The following BMPR1A variants were observed in gnomAD, a reference collection of about 807,000 sequenced individuals.
BMPR1A encodes bone morphogenetic protein receptor type-1A.
Under a neutral mutation model 66.0 loss-of-function variants are expected in BMPR1A, and 7 were observed. The ratio of observed to expected loss-of-function variants is 0.11; its 90% CI spans 0.06 to 0.20. The LOEUF (loss-of-function observed/expected upper bound fraction) is 0.20. BMPR1A is among the 10% of genes least tolerant of loss of function. The pLI, the probability that BMPR1A is intolerant of heterozygous loss-of-function variation, is 1.00. For synonymous variants in BMPR1A, 200 were observed against 229.7 expected (o/e 0.87, Z 1.17); for missense variants, 408 against 669.1 (o/e 0.61, Z 4.31).
rs1843706360 is a variant in BMPR1A, at chr10:86,923,929, G to A, written c.*210G>A. On this transcript the variant is annotated 3_prime_UTR_variant, in exon 13 of 13. Coordinates refer to ENST00000372037, the MANE Select transcript of BMPR1A (RefSeq NM_004329.3). ...ACACTTCATTCTTTATATATGGACA[G>A]CTTTATTTTAAATGTGGTTTTTGAT... The A allele has an allele frequency of 5.0e-6, 3 of 603,618 alleles. No individual in the cohort carries two copies. Among genetic ancestry groups the A allele is most frequent in the African/African-American group, 3.7e-5 (2 of 53,888 alleles). 37.4% of individuals were successfully genotyped at this position (603,618 alleles called of 1,614,324 possible).
At chr10:86,907,449 A>G (rs1843413017) in intron 7 of BMPR1A, among the ~76,000 whole-genome samples, 2 of 152,232 alleles carry the variant, frequency 1.3e-5, no homozygotes, top group Non-Finnish European at 1.5e-5. Flanking sequence ...TAAAATCAGA[A>G]CTACCATATG....
At chr10:86,873,462 T>C (rs1273651054) in intron 2 of BMPR1A, among the ~76,000 whole-genome samples, 2 of 148,338 alleles carry the variant, frequency 1.3e-5, no homozygotes, top group Non-Finnish European at 3.0e-5. Context: ...AAGATGTTGT[T>C]GGTGAATAAG....
intron 1 of BMPR1A, among the ~76,000 whole-genome samples, chr10:86,780,342 G>A (rs894943556): frequency 1.3e-5 from 2 of 152,016 alleles, no homozygotes; most frequent in Admixed American, 6.6e-5. Context: ...TGCTTTTGAT[G>A]CCTGTGTTTT....
At chr10:86,842,021 C>T (rs763977310) in intron 2 of BMPR1A, among the ~76,000 whole-genome samples, 2 of 152,224 alleles carry the variant, frequency 1.3e-5, no homozygotes, top group South Asian at 2.1e-4. Context: ...TTCTGTCAGC[C>T]GCTCTAAGCA....
At chr10:86,797,120 A>T (rs1222909920) in intron 1 of BMPR1A, among the ~76,000 whole-genome samples, 5 of 136,438 alleles carry the variant, frequency 3.7e-5, no homozygotes, top group Admixed American at 2.4e-4. Context: ...GCTGGAGTGC[A>T]GTGGCGCGAT....
intron 1 of BMPR1A, among the ~76,000 whole-genome samples, chr10:86,770,968 C>A (rs1841249347): frequency 6.6e-6 from 1 of 152,196 alleles, no homozygotes; most frequent in Non-Finnish European, 1.5e-5. Context: ...CCTTTGGACA[C>A]CAAATCCCAT....
rs1328297508 is a variant in BMPR1A, at chr10:86,906,752, A to AC, written c.531-5488_531-5487insC. ...AAAAAAAAAAAAAAAAAAAAAAAAA[A>AC]AAAAAAAAAACACTTTGTCCTTTTA... On this transcript the variant is annotated intron_variant, in intron 7 of 12. Transcript: ENST00000372037. 1.1e-3 allele frequency among the ~76,000 whole-genome samples: 37 copies of AC among 34,696 alleles called. 7 individuals carry two copies. Among genetic ancestry groups the AC allele is most frequent in the African/African-American group, 2.2e-3 (5 of 2,306 alleles). 22.8% of individuals were successfully genotyped at this position (34,696 alleles called of 152,430 possible). A position where few individuals can be genotyped will look rare whatever the true frequency, so the allele number is the denominator to read the frequency against.
At chr10:86,871,508 A>G (rs1842855455) in intron 2 of BMPR1A, among the ~76,000 whole-genome samples, 1 of 152,198 alleles carries the variant, frequency 6.6e-6, no homozygotes, top group African/African-American at 2.4e-5. Context: ...TGGAAGGGAT[A>G]ACGTAGATTA....
intron 1 of BMPR1A, among the ~76,000 whole-genome samples, chr10:86,797,743 T>G (rs1841744143): frequency 6.6e-6 from 1 of 152,138 alleles, no homozygotes; most frequent in Admixed American, 6.5e-5. Context: ...TACTTCTGTG[T>G]GTTCAAATAT....
chr10:86,795,129 G>A (rs1037326616), intron 1 of BMPR1A, among the ~76,000 whole-genome samples: 1 of 151,790 alleles, frequency 6.6e-6, no homozygotes, highest in African/African-American at 2.4e-5. Flanking sequence ...GGGATTATAG[G>A]GGTGAGCCAC....
intron 1 of BMPR1A, among the ~76,000 whole-genome samples, chr10:86,793,047 A>G (rs1218504884): frequency 1.3e-5 from 2 of 151,728 alleles, no homozygotes; most frequent in African/African-American, 4.8e-5. Flanking sequence ...GCCTTAATGC[A>G]GTCTTCTCTA....
chr10:86,896,325 A>G (rs893932462), intron 5 of BMPR1A, among the ~76,000 whole-genome samples: 1 of 151,926 alleles, frequency 6.6e-6, no homozygotes, highest in African/African-American at 2.4e-5. Flanking sequence ...TTCCAATAAC[A>G]TTTTCTTAAG....
intron 7 of BMPR1A, among the ~76,000 whole-genome samples, chr10:86,908,845 G>A (rs1298575889): frequency 1.3e-5 from 2 of 152,182 alleles, no homozygotes; most frequent in African/African-American, 2.4e-5. Flanking sequence ...TGGTCCTCCT[G>A]TAGGATCCTA....
Position 86,795,111 on chromosome 10 carries a change from A to G in BMPR1A, c.-268+38192A>G, listed in dbSNP as rs559963079. The stretch of plus-strand genomic sequence containing the variant: ...GGTGATCTGCCTGCTTCTGCCTCCC[A>G]AAGTGCTGGGATTATAGGGGTGAGC... On this transcript the variant is annotated intron_variant, in intron 1 of 12. Transcript: ENST00000372037. 3.3e-5 allele frequency among the ~76,000 whole-genome samples: 5 copies of G among 151,992 alleles called. No individual in the cohort carries two copies. In the South Asian group the frequency reaches 8.3e-4, roughly 25 times the overall value.
chr10:86,887,027 T>G (rs1400186501), intron 3 of BMPR1A, among the ~76,000 whole-genome samples: 1 of 151,992 alleles, frequency 6.6e-6, no homozygotes, highest in Non-Finnish European at 1.5e-5. Flanking sequence ...GAGACGGGGT[T>G]TCACCATGTT....
chr10:86,820,645 C>T (rs1052492865), intron 1 of BMPR1A, among the ~76,000 whole-genome samples: 1 of 152,226 alleles, frequency 6.6e-6, no homozygotes, highest in African/African-American at 2.4e-5. Context: ...TCCCTTGATA[C>T]TGCCATTACC....
chr10:86,786,966 G>C (rs1841526811), intron 1 of BMPR1A, among the ~76,000 whole-genome samples: 1 of 152,114 alleles, frequency 6.6e-6, no homozygotes, highest in African/African-American at 2.4e-5. Flanking sequence ...TTTTAATCAG[G>C]CGGCTAGCTA....
At chr10:86,781,244 C>T (rs989174093) in intron 1 of BMPR1A, among the ~76,000 whole-genome samples, 2 of 152,168 alleles carry the variant, frequency 1.3e-5, no homozygotes, top group African/African-American at 2.4e-5. Context: ...TATTCTTCTG[C>T]ATATGGATAT....
chr10:86,818,100 C>T (rs1733779373), intron 1 of BMPR1A, among the ~76,000 whole-genome samples: 1 of 152,150 alleles, frequency 6.6e-6, no homozygotes, highest in Admixed American at 6.5e-5. Flanking sequence ...CTCACTGCAA[C>T]CTCTGCTTCC....
Sources: allele counts gnomAD v4.1 joint callset (sites outside exome capture counted in the v4.1 genomes callset), GRCh38; gene constraint gnomAD v4.1.1; transcripts MANE v1.5; gene names NCBI Gene and HGNC (gene_info 2026-07-23, HGNC 2026-07-21).